The following UBA6 variants were observed in gnomAD, a reference collection of about 807,000 sequenced individuals.
UBA6 encodes ubiquitin like modifier activating enzyme 6.
A neutral mutation model predicts 148.3 loss-of-function variants in UBA6; 87 were observed. The observed-to-expected ratio is 0.59, with a 90% CI of 0.49 to 0.70. The LOEUF (loss-of-function observed/expected upper bound fraction) is 0.70, where lower values mean the gene tolerates loss of function less well. Among genes scored for constraint, UBA6 ranks in the 30% least tolerant of loss-of-function variants. The pLI, the probability that UBA6 is intolerant of heterozygous loss-of-function variation, is 0.00. For synonymous variants in UBA6, 376 were observed against 401.0 expected (o/e 0.94, Z 0.75); for missense variants, 1,186 against 1,241.2 (o/e 0.96, Z 0.67).
intron 13 of UBA6, among the ~76,000 whole-genome samples, chr4:67,651,906 C>T (rs1729561376): frequency 6.6e-6 from 1 of 152,156 alleles, no homozygotes; most frequent in South Asian, 2.1e-4. Context: ...TTCATCTATA[C>T]TTTGTGCAGT....
At chr4:67,669,362 A>C (rs1031765162) in intron 8 of UBA6, among the ~76,000 whole-genome samples, 1 of 152,178 alleles carries the variant, frequency 6.6e-6, no homozygotes, top group African/African-American at 2.4e-5. Flanking sequence ...CTTTTTGATA[A>C]ATTTTTCCTA....
chr4:67,643,684 G>A (rs1165065021), intron 17 of UBA6, among the ~76,000 whole-genome samples: 2 of 151,830 alleles, frequency 1.3e-5, no homozygotes, highest in Non-Finnish European at 2.9e-5. Context: ...TTTTCAGCTT[G>A]GCTACATTAC....
chr4:67,625,130 A>G lies in UBA6; in HGVS notation c.2576T>C (p.Ile859Thr), dbSNP rs1236401680. The G allele has an allele frequency of 1.9e-6, 3 of 1,613,250 alleles. No individual in the cohort carries two copies. Among genetic ancestry groups the G allele is most frequent in the South Asian group, 1.1e-5 (1 of 91,008 alleles). Reference sequence around the variant, plus strand: ...ATTTGATGCAGCTGTGATGAAATCTATGTGTCCATTATGATCATCATCTTT... The same window carrying G: ...ATTTGATGCAGCTGTGATGAAATCTGTGTGTCCATTATGATCATCATCTTT... ...FEKDDDHNGHIDFITAASNLR... is the reference protein window; with the variant it reads ...FEKDDDHNGHTDFITAASNLR... Residue 859 changes from isoleucine to threonine, a missense_variant, in exon 29 of 33, where the codon ATA becomes ACA. Coordinates refer to ENST00000322244, the MANE Select transcript of UBA6 (RefSeq NM_018227.6).
intron 17 of UBA6, among the ~76,000 whole-genome samples, chr4:67,642,586 A>C (rs1478243105): frequency 6.6e-6 from 1 of 152,070 alleles, no homozygotes; most frequent in Non-Finnish European, 1.5e-5. Flanking sequence ...TTTATTTGTC[A>C]GCTATCTTTA....
chr4:67,633,586 T>A (rs1729052951), intron 22 of UBA6, 113 bp from the exon 23 acceptor site: 1 of 887,528 alleles, frequency 1.1e-6, no homozygotes, highest in Admixed American at 3.3e-5. Context: ...TTTATGCTTT[T>A]CTTTTTTCAC....
intron 2 of UBA6, among the ~76,000 whole-genome samples, chr4:67,688,376 G>C (rs901193980): frequency 6.6e-6 from 1 of 152,070 alleles, no homozygotes; most frequent in Non-Finnish European, 1.5e-5. Context: ...GAAAAAGAAA[G>C]AAATGGCCAG....
intron 2 of UBA6, among the ~76,000 whole-genome samples, chr4:67,683,351 A>T (rs917181836): frequency 8.5e-5 from 13 of 152,136 alleles, no homozygotes; most frequent in Admixed American, 6.5e-5. Context: ...ATTATTTATG[A>T]GATGGACTTA....
intron 13 of UBA6, among the ~76,000 whole-genome samples, chr4:67,658,720 G>A (rs556043895): frequency 6.6e-6 from 1 of 152,030 alleles, no homozygotes; most frequent in East Asian, 1.9e-4. Flanking sequence ...GTAACAAAAT[G>A]GATAAAACTC....
At position 67,625,107 on chromosome 4, in the gene UBA6, T is replaced by C. The variant is rs1577787873; in HGVS notation, c.2599A>G (p.Asn867Asp). The C allele has an allele frequency of 6.2e-6, 10 of 1,613,414 alleles. No individual in the cohort carries two copies. The highest frequency in any genetic ancestry group is 2.2e-5 in the East Asian group (1 of 44,890). ...ATGCTGTACATTTTGGCACGAAGAT[T>C]TGATGCAGCTGTGATGAAATCTATG... Reference protein sequence around the residue: ...GHIDFITAASNLRAKMYSIEP... With the variant: ...GHIDFITAASDLRAKMYSIEP... The change falls in exon 29 of 33, where the codon AAT becomes GAT. Residue 867 changes from asparagine (N) to aspartate (D), a missense_variant. By Grantham distance (23) the Asn-to-Asp change is conservative. Coordinates refer to ENST00000322244, the MANE Select transcript of UBA6 (RefSeq NM_018227.6).
At chr4:67,641,548 C>T (rs184161963) in intron 17 of UBA6, among the ~76,000 whole-genome samples, 84 of 152,260 alleles carry the variant, frequency 5.5e-4, no homozygotes, top group African/African-American at 2.0e-3. Context: ...TGCAGAGGAG[C>T]TAGCTCTTCT....
At chr4:67,662,777 C>T in intron 12 of UBA6, 1 of 176,850 alleles carries the variant, frequency 5.7e-6, no homozygotes, top group Non-Finnish European at 1.2e-5. Context: ...GATTTAATCC[C>T]AAATATAAAA....
In UBA6 at chr4:67,624,106, A is replaced by C; in HGVS notation, c.2840+20T>G. 6.5e-7 allele frequency: 1 copy of C among 1,543,392 alleles called. No homozygotes were observed. The highest frequency in any genetic ancestry group is 8.7e-7 in the Non-Finnish European group (1 of 1,146,274). ...TTATTTCATTCTCATTATACAAGAGAAATAGACTTTCATACATACCTGATT... is the reference window on the plus strand; with the variant it reads ...TTATTTCATTCTCATTATACAAGAGCAATAGACTTTCATACATACCTGATT... On this transcript the variant is annotated intron_variant, in intron 30 of 32. Transcript: ENST00000322244.
At position 67,619,248 on chromosome 4, in the gene UBA6, AAT is replaced by A. The variant is rs1309270295; in HGVS notation, c.3024-118_3024-117del. On this transcript the variant is annotated intron_variant, in intron 32 of 32. Transcript: ENST00000322244. ...TTGTATCTAGACTTTAACATCTAATAATAATCTGCTTTCACATATTCATTTTT... is the reference window on the plus strand; with the variant it reads ...TTGTATCTAGACTTTAACATCTAATAAATCTGCTTTCACATATTCATTTTT... The A allele has an allele frequency of 3.3e-5, 24 of 717,346 alleles. No homozygotes were observed. The Admixed American group carries it at 3.5e-4, about 10-fold the overall frequency. 44.4% of individuals were successfully genotyped at this position (717,346 alleles called of 1,614,324 possible). A position where few individuals can be genotyped will look rare whatever the true frequency, so the allele number is the denominator to read the frequency against.
chr4:67,693,634 T>C (rs1434999395), intron 2 of UBA6, among the ~76,000 whole-genome samples: 1 of 152,214 alleles, frequency 6.6e-6, no homozygotes, highest in African/African-American at 2.4e-5. Context: ...AGAAGGTAAG[T>C]TGGAGTTATG....
chr4:67,649,455 G>T (rs777974587), intron 13 of UBA6, among the ~76,000 whole-genome samples: 2 of 151,918 alleles, frequency 1.3e-5, no homozygotes, highest in African/African-American at 2.4e-5. Context: ...GTCACTCTAG[G>T]GCATCATTTA....
intron 19 of UBA6, among the ~76,000 whole-genome samples, chr4:67,636,586 GTTT>G (rs1464448935): frequency 6.6e-6 from 1 of 152,208 alleles, no homozygotes; most frequent in African/African-American, 2.4e-5. Flanking sequence ...TGGAGACGGG[GTTT>G]TGCAGTGTTG....
At chr4:67,648,532 CAG>C (rs1160178457) in intron 14 of UBA6, among the ~76,000 whole-genome samples, 3 of 150,478 alleles carry the variant, frequency 2.0e-5, no homozygotes, top group Non-Finnish European at 4.4e-5. Context: ...GGTGTTTCAA[CAG>C]AGAGAGGGCC....
chr4:67,652,938 G>A (rs147663297), intron 13 of UBA6, among the ~76,000 whole-genome samples: 230 of 152,334 alleles, frequency 1.5e-3, no homozygotes, highest in Admixed American at 2.4e-3. Flanking sequence ...GCAGCAGTCT[G>A]AGATCCACCT....
At position 67,619,454 on chromosome 4, in the gene UBA6, T is replaced by C. The variant is rs188745433; in HGVS notation, c.3024-322A>G. On this transcript the variant is annotated intron_variant, in intron 32 of 32. Coordinates refer to ENST00000322244, the MANE Select transcript of UBA6 (RefSeq NM_018227.6). ...ACTTTGGGAGGCTGAGGCAGGCAGA[T>C]CACCTCAGGTCAGGAGTTTGAGACC... 3.5e-4 allele frequency among the ~76,000 whole-genome samples: 53 copies of C among 152,248 alleles called. 1 individual carries two copies. The highest frequency in any genetic ancestry group is 3.3e-3 in the Admixed American group (50 of 15,294).
Sources: gnomAD v4.1 joint callset for allele counts (sites outside exome capture counted in the v4.1 genomes callset) on GRCh38, gnomAD v4.1.1 for gene constraint, MANE v1.5 for transcripts, NCBI Gene and HGNC (gene_info 2026-07-23, HGNC 2026-07-21) for gene names.